The following PLCH1 variants were observed in gnomAD, a reference collection of about 807,000 sequenced individuals.
PLCH1 encodes phospholipase C eta 1, also known as 1-phosphatidylinositol 4,5-bisphosphate phosphodiesterase eta-1.
Under a neutral mutation model 126.7 loss-of-function variants are expected in PLCH1, and 60 were observed. The observed-to-expected ratio is 0.47, with a 90% CI of 0.38 to 0.59. The LOEUF (loss-of-function observed/expected upper bound fraction) is 0.59. Ranked by LOEUF, PLCH1 falls within the 20% of genes least tolerant of loss-of-function variation. The pLI, the probability that PLCH1 is intolerant of heterozygous loss-of-function variation, is 0.00. For missense variants in PLCH1, 1,723 were observed against 2,040.0 expected (o/e 0.84, Z 2.99); for synonymous variants, 719 against 734.9 (o/e 0.98, Z 0.35).
intron 12 of PLCH1, among the ~76,000 whole-genome samples, chr3:155,511,867 T>A (rs994579418): frequency 6.6e-6 from 1 of 152,072 alleles, no homozygotes; most frequent in African/African-American, 2.4e-5. Flanking sequence ...CCTTGAGTTG[T>A]GGTGGGCTCC....
chr3:155,639,425 C>T (rs1739134142), intron 2 of PLCH1, among the ~76,000 whole-genome samples: 1 of 152,156 alleles, frequency 6.6e-6, no homozygotes, highest in Non-Finnish European at 1.5e-5. Context: ...CATGTAACTG[C>T]ATTCCAGGCT....
rs1354401330 is a variant in PLCH1, at chr3:155,543,662, G to A, written c.1362+6125C>T. Among the ~76,000 whole-genome samples, 14 of 152,190 alleles carry A rather than the reference G, an allele frequency of 9.2e-5. 1 individual carries two copies. Among genetic ancestry groups the A allele is most frequent in the African/African-American group, 3.1e-4 (13 of 41,510 alleles). On this transcript the variant is annotated intron_variant, in intron 10 of 22. Transcript: ENST00000460012. ...AGAAAGGTCGGGTTACCCACAAAGGGAAGCCCATCAGACTAACAGCGGATC... is the reference window on the plus strand; with the variant it reads ...AGAAAGGTCGGGTTACCCACAAAGGAAAGCCCATCAGACTAACAGCGGATC...
intron 13 of PLCH1, among the ~76,000 whole-genome samples, chr3:155,503,678 C>T (rs1213597648): frequency 6.6e-6 from 1 of 152,064 alleles, no homozygotes; most frequent in East Asian, 1.9e-4. Flanking sequence ...GCTGGGATTA[C>T]AGGCACACAC....
chr3:155,627,712 A>T (rs1737495074), intron 2 of PLCH1, among the ~76,000 whole-genome samples: 2 of 151,994 alleles, frequency 1.3e-5, no homozygotes, highest in South Asian at 4.2e-4. Context: ...ACCATATATT[A>T]TGATGTGATT....
intron 10 of PLCH1, among the ~76,000 whole-genome samples, chr3:155,536,353 A>G (rs770936895): frequency 9.2e-5 from 14 of 152,246 alleles, no homozygotes; most frequent in Non-Finnish European, 1.6e-4. Context: ...AAAAGCATTC[A>G]GAAGGTTGAT....
intron 21 of PLCH1, among the ~76,000 whole-genome samples, chr3:155,474,839 A>G (rs1353614771): frequency 1.6e-5 from 2 of 122,270 alleles, no homozygotes; most frequent in East Asian, 5.0e-4. Flanking sequence ...AAAAAACCAA[A>G]CACCGCATAT....
intron 2 of PLCH1, among the ~76,000 whole-genome samples, chr3:155,685,702 A>G (rs1005723922): frequency 6.6e-6 from 1 of 152,226 alleles, no homozygotes; most frequent in African/African-American, 2.4e-5. Context: ...TAACAGATGC[A>G]AAAGTTCCTA....
At chr3:155,460,613 A>T (rs2107972971) in intron 21 of PLCH1, among the ~76,000 whole-genome samples, 1 of 152,294 alleles carries the variant, frequency 6.6e-6, no homozygotes. Flanking sequence ...GTTAATCAGA[A>T]GCAATATCTC....
intron 2 of PLCH1, among the ~76,000 whole-genome samples, chr3:155,664,511 C>T (rs529184686): frequency 6.6e-6 from 1 of 152,312 alleles, no homozygotes; most frequent in South Asian, 2.1e-4. Flanking sequence ...GTGGCAATCA[C>T]TTTTGCATGC....
At chr3:155,518,141 A>G (rs890246049) in intron 11 of PLCH1, among the ~76,000 whole-genome samples, 5 of 152,178 alleles carry the variant, frequency 3.3e-5, no homozygotes, top group Admixed American at 2.6e-4. Flanking sequence ...CACTTCTCAG[A>G]ATGGTGCACA....
chr3:155,636,746 C>CA (rs113079414), intron 2 of PLCH1, among the ~76,000 whole-genome samples: 2,572 of 139,694 alleles, frequency 0.018, 80 homozygotes, highest in African/African-American at 0.06. Flanking sequence ...AACTCCATCT[C>CA]AAAAAAAAAA....
chr3:155,734,866 G>T (rs576278830), intron 1 of PLCH1, among the ~76,000 whole-genome samples: 1 of 151,892 alleles, frequency 6.6e-6, no homozygotes, highest in African/African-American at 2.4e-5. Flanking sequence ...CCGCCACCAC[G>T]CCCGGCTAAT....
At chr3:155,631,634 G>A (rs181987468) in intron 2 of PLCH1, among the ~76,000 whole-genome samples, 15 of 152,260 alleles carry the variant, frequency 9.9e-5, no homozygotes, top group East Asian at 7.7e-4. Flanking sequence ...GATAAGTACC[G>A]TAATCAGAAA....
intron 1 of PLCH1, among the ~76,000 whole-genome samples, chr3:155,708,444 T>C (rs1052285666): frequency 7.2e-5 from 11 of 152,172 alleles, no homozygotes; most frequent in African/African-American, 2.7e-4. Flanking sequence ...AGAAGGAAAC[T>C]GAGGCCCAGA....
At chr3:155,649,224 A>T (rs1740407272) in intron 2 of PLCH1, among the ~76,000 whole-genome samples, 1 of 152,190 alleles carries the variant, frequency 6.6e-6, no homozygotes, top group Non-Finnish European at 1.5e-5. Flanking sequence ...TAACCATTAA[A>T]TATCTCCTCA....
At chr3:155,630,126 C>T (rs1737853665) in intron 2 of PLCH1, among the ~76,000 whole-genome samples, 1 of 152,212 alleles carries the variant, frequency 6.6e-6, no homozygotes, top group South Asian at 2.1e-4. Context: ...ACAGCAGTAA[C>T]TACATACATT....
In PLCH1 at chr3:155,481,981, T is replaced by A; in HGVS notation, c.4045A>T (p.Ser1349Cys). ...TCTCCATCAATTTCCACAAGGCTGC[T>A]CTCCCCAGAATTGAAACAGAGAGTG... ...DPTLCFNSGE[S>C]SLVEIDGESE... Residue 1349 changes from serine (S) to cysteine (C), a missense_variant, in exon 23 of 23, where the codon AGC becomes TGC. Coordinates refer to ENST00000460012, the MANE Select transcript of PLCH1 (RefSeq NM_014996.4). This position sits in a 1 kb window ranked among gnomAD's most constrained non-coding sequence, Gnocchi z 4.2. 4 of 1,614,136 alleles carry A rather than the reference T, an allele frequency of 2.5e-6. No homozygotes were observed. Among genetic ancestry groups the A allele is most frequent in the Non-Finnish European group, 3.4e-6 (4 of 1,180,014 alleles).
At chr3:155,623,453 A>C (rs911839039) in intron 2 of PLCH1, among the ~76,000 whole-genome samples, 3 of 152,276 alleles carry the variant, frequency 2.0e-5, no homozygotes, top group Admixed American at 6.5e-5. Context: ...TTCAAAAAAA[A>C]CCAATGAATC....
intron 1 of PLCH1, among the ~76,000 whole-genome samples, chr3:155,725,754 A>T (rs76352465): frequency 0.015 from 2,216 of 152,288 alleles, 55 homozygotes; most frequent in African/African-American, 0.051. Flanking sequence ...CATTTCTGTT[A>T]TAAGTAGCAT....
Sources: allele counts gnomAD v4.1 joint callset (sites outside exome capture counted in the v4.1 genomes callset), GRCh38; gene constraint gnomAD v4.1.1; non-coding constraint Gnocchi (gnomAD v3.1); transcripts MANE v1.5; gene names NCBI Gene and HGNC (gene_info 2026-07-23, HGNC 2026-07-21).